Variants in ZNHIT6 observed in about 807,000 individuals in gnomAD.
ZNHIT6 encodes zinc finger HIT-type containing 6.
Under a neutral mutation model 57.2 loss-of-function variants are expected in ZNHIT6, and 45 were observed. That is an observed-to-expected ratio of 0.79 (90% confidence interval 0.62 to 1.01). ZNHIT6 has a LOEUF of 1.01. Among genes scored for constraint, ZNHIT6 ranks in the 50% least tolerant of loss-of-function variants. The probability of loss-of-function intolerance (pLI) is 0.00; values close to 1 mark genes in which losing one functional copy is unlikely to be tolerated. For missense variants in ZNHIT6, 528 were observed against 567.3 expected (o/e 0.93, Z 0.70); for synonymous variants, 188 against 190.0 (o/e 0.99, Z 0.09).
At position 85,660,250 on chromosome 1, in the gene ZNHIT6, A is replaced by G. The variant is rs115838417; in HGVS notation, c.1248-2279T>C. On this transcript the variant is annotated intron_variant, in intron 8 of 9. Transcript: ENST00000370574. ...GGAGGAAATAAGACCTGGACTCTCA[A>G]ACAGGAACTTTTCAAGTGGCATCCT... Among the ~76,000 whole-genome samples the G allele has an allele frequency of 7.5e-3, 1,149 of 152,296 alleles. 14 individuals carry two copies. Among genetic ancestry groups the G allele is most frequent in the African/African-American group, 0.026 (1,090 of 41,578 alleles).
At chr1:85,693,221 C>A (rs1024397766) in intron 5 of ZNHIT6, among the ~76,000 whole-genome samples, 4 of 151,938 alleles carry the variant, frequency 2.6e-5, no homozygotes, top group African/African-American at 9.7e-5. Flanking sequence ...GGTGGTTAGT[C>A]CACACAAAAG....
chr1:85,687,287 A>AAAAAAAAAAAG (rs1662078770), intron 5 of ZNHIT6, among the ~76,000 whole-genome samples: 1 of 127,882 alleles, frequency 7.8e-6, no homozygotes, highest in Non-Finnish European at 1.6e-5. Flanking sequence ...ATCTCAAAAA[A>AAAAAAAAAAAG]CAAAAAAAAA....
At chr1:85,662,756 C>T (rs1289452127) in intron 8 of ZNHIT6, among the ~76,000 whole-genome samples, 3 of 152,096 alleles carry the variant, frequency 2.0e-5, no homozygotes, top group African/African-American at 7.2e-5. Context: ...GAGGACGATA[C>T]CTGCTTGACA....
chr1:85,681,980 T>A (rs1661889448), intron 5 of ZNHIT6, among the ~76,000 whole-genome samples: 1 of 151,564 alleles, frequency 6.6e-6, no homozygotes, highest in Non-Finnish European at 1.5e-5. Flanking sequence ...AGGCTGACTT[T>A]TTTTTTTTAA....
At chr1:85,687,042 G>A (rs1415782895) in intron 5 of ZNHIT6, among the ~76,000 whole-genome samples, 1 of 151,540 alleles carries the variant, frequency 6.6e-6, no homozygotes, top group Non-Finnish European at 1.5e-5. Context: ...GGCCGAGATG[G>A]GTGGATCACT....
chr1:85,700,305 G>A (rs1037123485), intron 5 of ZNHIT6, among the ~76,000 whole-genome samples: 4 of 152,022 alleles, frequency 2.6e-5, no homozygotes, highest in African/African-American at 9.7e-5. Context: ...TTTTGCAGAC[G>A]GTAAAAGACT....
intron 8 of ZNHIT6, among the ~76,000 whole-genome samples, chr1:85,672,644 AGT>A (rs1189712060): frequency 6.6e-6 from 1 of 152,146 alleles, no homozygotes; most frequent in African/African-American, 2.4e-5. Context: ...TGATATATAC[AGT>A]GTGTCTGTTT....
chr1:85,656,024 CT>C (rs143864923), intron 9 of ZNHIT6, among the ~76,000 whole-genome samples: 351 of 152,262 alleles, frequency 2.3e-3, no homozygotes, highest in African/African-American at 8.0e-3. Context: ...ACTTTTTTAC[CT>C]CCAGAGAGGG....
At chr1:85,686,346 T>A (rs1031847775) in intron 5 of ZNHIT6, among the ~76,000 whole-genome samples, 9 of 152,182 alleles carry the variant, frequency 5.9e-5, no homozygotes, top group East Asian at 1.9e-4. Flanking sequence ...AGAAAAAAAA[T>A]ATATATTTCT....
intron 7 of ZNHIT6, among the ~76,000 whole-genome samples, chr1:85,677,809 T>C (rs1264857908): frequency 1.3e-5 from 2 of 152,204 alleles, no homozygotes; most frequent in Non-Finnish European, 2.9e-5. Context: ...CAGGTTATTC[T>C]GGAACCAAAC....
At chr1:85,701,237 G>A (rs1393064331) in intron 5 of ZNHIT6, among the ~76,000 whole-genome samples, 1 of 152,014 alleles carries the variant, frequency 6.6e-6, no homozygotes, top group Non-Finnish European at 1.5e-5. Flanking sequence ...TCAATTTTTG[G>A]AAGAGTACAA....
At chr1:85,686,402 T>C (rs1336389880) in intron 5 of ZNHIT6, among the ~76,000 whole-genome samples, 3 of 152,198 alleles carry the variant, frequency 2.0e-5, no homozygotes, top group African/African-American at 7.2e-5. Flanking sequence ...GAGGGTTACC[T>C]ATCTCATCAT....
At chr1:85,699,268 A>C (rs1662461615) in intron 5 of ZNHIT6, among the ~76,000 whole-genome samples, 2 of 152,118 alleles carry the variant, frequency 1.3e-5, no homozygotes, top group South Asian at 4.1e-4. Context: ...AACAGCTGAT[A>C]AGACACAAAT....
rs1448303988 is a variant in ZNHIT6, at chr1:85,650,673, T to C, written c.*3385A>G. 1 of 152,164 alleles carries C rather than the reference T, an allele frequency of 6.6e-6. No individual in the cohort carries two copies. Among genetic ancestry groups the C allele is most frequent in the Admixed American group, 6.6e-5 (1 of 15,260 alleles). 9.4% of individuals were successfully genotyped at this position (152,164 alleles called of 1,614,324 possible). ...AGCTGTATCTGGTGAGGGTCTCATG[T>C]TGCTTCCACTCTTGGTACAAAGTGA... is the stretch of plus-strand genomic sequence containing the variant. On this transcript the variant is annotated 3_prime_UTR_variant, in exon 10 of 10. Coordinates refer to ENST00000370574, the MANE Select transcript of ZNHIT6 (RefSeq NM_017953.4).
At chr1:85,667,961 A>AAAAAAAAAATATATATAT in intron 8 of ZNHIT6, among the ~76,000 whole-genome samples, 2 of 18,202 alleles carry the variant, frequency 1.1e-4, no homozygotes, top group African/African-American at 2.1e-4. Context: ...AAAAAAAAAA[A>AAAAAAAAAATATATATAT]ATATATATAT....
At chr1:85,686,808 T>C (rs1427684931) in intron 5 of ZNHIT6, among the ~76,000 whole-genome samples, 1 of 152,078 alleles carries the variant, frequency 6.6e-6, no homozygotes, top group Non-Finnish European at 1.5e-5. Flanking sequence ...GGTCCAGAGG[T>C]AGGATGGGGG....
intron 4 of ZNHIT6, among the ~76,000 whole-genome samples, chr1:85,705,239 A>C (rs551980575): frequency 2.6e-5 from 4 of 152,174 alleles, no homozygotes; most frequent in African/African-American, 9.6e-5. Flanking sequence ...TTTGAGACAG[A>C]GTCTCACTCT....
chr1:85,677,368 T>C (rs1661733265), intron 7 of ZNHIT6, 55 bp from the exon 8 acceptor site: 3 of 1,471,440 alleles, frequency 2.0e-6, no homozygotes, highest in Non-Finnish European at 1.9e-6. Flanking sequence ...TATTTCAAGA[T>C]AGTCTTATGG....
intron 8 of ZNHIT6, among the ~76,000 whole-genome samples, chr1:85,665,590 A>C (rs2100656293): frequency 6.6e-6 from 1 of 152,220 alleles, no homozygotes. Context: ...CAGTATTGTT[A>C]ATTATTTGTT....
Sources: gnomAD v4.1 joint callset for allele counts (sites outside exome capture counted in the v4.1 genomes callset) on GRCh38, gnomAD v4.1.1 for gene constraint, MANE v1.5 for transcripts, NCBI Gene and HGNC (gene_info 2026-07-23, HGNC 2026-07-21) for gene names.